Variants in PDE8B observed in about 807,000 individuals in gnomAD.
PDE8B encodes phosphodiesterase 8B, also known as high affinity cAMP-specific and IBMX-insensitive 3',5'-cyclic phosphodiesterase 8B.
PDE8B carries 26 observed loss-of-function variants against 101.3 expected under a neutral mutation model. That is an observed-to-expected ratio of 0.26 (90% CI 0.19 to 0.36). The LOEUF is 0.36. Ranked by LOEUF, PDE8B falls within the 10% of genes least tolerant of loss-of-function variation. The pLI is 1.00. For missense variants in PDE8B, 810 were observed against 1,163.1 expected, an observed-to-expected ratio of 0.70 and a Z score of 4.42; for synonymous variants, 424 against 429.3, an observed-to-expected ratio of 0.99 and a Z score of 0.15.
intron 1 of PDE8B, among the ~76,000 whole-genome samples, chr5:77,214,812 AT>A (rs1749300991): frequency 2.0e-5 from 3 of 152,146 alleles, no homozygotes; most frequent in African/African-American, 7.2e-5. Flanking sequence ...AGAGATTCTG[AT>A]TTAGTAGGTC....
At chr5:77,307,854 A>C (rs975825959) in intron 1 of PDE8B, among the ~76,000 whole-genome samples, 15 of 152,028 alleles carry the variant, frequency 9.9e-5, no homozygotes, top group African/African-American at 3.6e-4. Context: ...TATGTTACCT[A>C]TGCCCCCACC....
In PDE8B at chr5:77,412,567, T is replaced by TC. The variant is rs397998240; in HGVS notation, c.1712+333dup. Among the ~76,000 whole-genome samples the TC allele has an allele frequency of 2.7e-5, 4 of 150,384 alleles. No homozygotes were observed. The East Asian group carries it at 5.9e-4, about 22-fold the overall frequency. On this transcript the variant is annotated intron_variant, in intron 16 of 21. Transcript: ENST00000264917. ...GAGCACTATAGATTTTTTTTTTTTTTCTGATCCATCCTGTAGGCAGAGGAA... is the reference window on the plus strand; with the variant it reads ...GAGCACTATAGATTTTTTTTTTTTTTCCTGATCCATCCTGTAGGCAGAGGAA...
At chr5:77,318,055 C>CAAAAAAAAAAAAAAAAAAAAAAAAA (rs55952764) in intron 2 of PDE8B, among the ~76,000 whole-genome samples, 1 of 57,186 alleles carries the variant, frequency 1.7e-5, no homozygotes, top group Admixed American at 2.3e-4. Context: ...GACTCCATCT[C>CAAAAAAAAAAAAAAAAAAAAAAAAA]AAAAAAAAAA....
At chr5:77,364,918 T>C (rs1783839918) in intron 10 of PDE8B, among the ~76,000 whole-genome samples, 1 of 152,206 alleles carries the variant, frequency 6.6e-6, no homozygotes, top group Admixed American at 6.5e-5. Flanking sequence ...TTCAGATCAC[T>C]GGAACTGTTG....
Position 77,400,269 on chromosome 5 carries a change from T to C in PDE8B, c.1189T>C (p.Ser397Pro). 1 of 1,603,500 alleles carries C rather than the reference T, an allele frequency of 6.2e-7. No homozygotes were observed. Among genetic ancestry groups the C allele is most frequent in the Non-Finnish European group, 8.5e-7 (1 of 1,170,364 alleles). ...TTAGATTCACAAGATTCATCGTGAT[T>C]CAGGAGACAATTCTCAGACAGGTGA... ...NKQIHKIHRDSGDNSQTEPHS... is the reference protein window; with the variant it reads ...NKQIHKIHRDPGDNSQTEPHS... The change falls in exon 11 of 22, where the codon TCA becomes CCA. Residue 397 changes from serine to proline, a missense_variant. Transcript: ENST00000264917.
At chr5:77,195,968 A>T in the PDE8B span, among the ~76,000 whole-genome samples, 1 of 152,210 alleles carries the variant, frequency 6.6e-6, no homozygotes, top group Admixed American at 6.5e-5. Flanking sequence ...TTCAAAGGTC[A>T]ACTGTAGTTT....
chr5:77,264,652 A>G (rs1761318337), intron 1 of PDE8B, among the ~76,000 whole-genome samples: 1 of 152,334 alleles, frequency 6.6e-6, no homozygotes, highest in East Asian at 1.9e-4. Context: ...TGTTGGATAT[A>G]GTCAACAAAG....
At chr5:77,135,312 C>A in the PDE8B span, among the ~76,000 whole-genome samples, 7 of 152,190 alleles carry the variant, frequency 4.6e-5, no homozygotes, top group African/African-American at 1.4e-4. Context: ...AATCTCTTGA[C>A]TACCTAATCT....
intron 10 of PDE8B, among the ~76,000 whole-genome samples, chr5:77,399,164 A>C (rs1791705982): frequency 6.6e-6 from 1 of 152,264 alleles, no homozygotes; most frequent in South Asian, 2.1e-4. Flanking sequence ...AATCTGCCTA[A>C]GGGCAGGATT....
chr5:77,308,095 C>T (rs1300176781), intron 1 of PDE8B, among the ~76,000 whole-genome samples: 1 of 152,234 alleles, frequency 6.6e-6, no homozygotes, highest in Non-Finnish European at 1.5e-5. Context: ...AGAAGCAGAA[C>T]TCTGCAAACT....
intron 8 of PDE8B, among the ~76,000 whole-genome samples, chr5:77,350,298 A>G (rs1780852700): frequency 6.6e-6 from 1 of 152,156 alleles, no homozygotes. Flanking sequence ...GATGATCAAA[A>G]TGTTTTTTTA....
At chr5:77,181,271 G>C in the PDE8B span, among the ~76,000 whole-genome samples, 1 of 152,284 alleles carries the variant, frequency 6.6e-6, no homozygotes, top group East Asian at 1.9e-4. Context: ...CACGCTGCGG[G>C]GTCGCAGGAA....
At chr5:77,202,672 G>A in the PDE8B span, among the ~76,000 whole-genome samples, 1 of 148,990 alleles carries the variant, frequency 6.7e-6, no homozygotes, top group Non-Finnish European at 1.5e-5. Flanking sequence ...TCGCTCTCTT[G>A]CCCAGGCTGG....
At chr5:77,327,154 A>G (rs2150247708) in intron 3 of PDE8B, among the ~76,000 whole-genome samples, 1 of 152,158 alleles carries the variant, frequency 6.6e-6, no homozygotes, top group Non-Finnish European at 1.5e-5. Context: ...CCCTGGGGAG[A>G]TGGGTGGGTG....
chr5:77,387,482 C>G (rs1307934638), intron 10 of PDE8B, among the ~76,000 whole-genome samples: 1 of 152,238 alleles, frequency 6.6e-6, no homozygotes. Context: ...ACCTTTCTCA[C>G]TGGCTGCCCT....
the PDE8B span, among the ~76,000 whole-genome samples, chr5:77,181,387 CAG>C: frequency 6.6e-6 from 1 of 152,152 alleles, no homozygotes; most frequent in African/African-American, 2.4e-5. Flanking sequence ...GCTAGGCGTT[CAG>C]AGTGTCCTCT....
intron 7 of PDE8B, among the ~76,000 whole-genome samples, chr5:77,345,366 G>A (rs1356178184): frequency 6.6e-6 from 1 of 152,034 alleles, no homozygotes. Context: ...TACCATGTTG[G>A]CCAGGCTGGT....
At chr5:77,110,276 T>G in the PDE8B span, among the ~76,000 whole-genome samples, 1 of 152,080 alleles carries the variant, frequency 6.6e-6, no homozygotes, top group Non-Finnish European at 1.5e-5. Flanking sequence ...CAGCGCTTTT[T>G]TTTTCTCCAA....
chr5:77,179,174 G>A, the PDE8B span, among the ~76,000 whole-genome samples: 2 of 152,238 alleles, frequency 1.3e-5, no homozygotes, highest in East Asian at 1.9e-4. Context: ...AAAACGTGGC[G>A]AAGGCCATAT....
Sources: allele counts gnomAD v4.1 joint callset (sites outside exome capture counted in the v4.1 genomes callset), GRCh38; gene constraint gnomAD v4.1.1; transcripts MANE v1.5; gene names NCBI Gene and HGNC (gene_info 2026-07-23, HGNC 2026-07-21).